The following KIAA1217 variants were observed in gnomAD, a reference collection of about 807,000 sequenced individuals.
KIAA1217 encodes KIAA1217, also known as sickle tail protein homolog.
A neutral mutation model predicts 163.9 loss-of-function variants in KIAA1217; 88 were observed. That is an observed-to-expected ratio of 0.54 (90% CI 0.45 to 0.64). KIAA1217 has a LOEUF of 0.64. Ranked by LOEUF, KIAA1217 falls within the 30% of genes least tolerant of loss-of-function variation. The pLI is 0.00. For synonymous variants in KIAA1217, 903 were observed against 923.1 expected, an observed-to-expected ratio of 0.98 and a Z score of 0.39; for missense variants, 2,372 against 2,475.0, an observed-to-expected ratio of 0.96 and a Z score of 0.88.
chr10:24,157,177 A>G (rs1241210460), intron 2 of KIAA1217, among the ~76,000 whole-genome samples: 2 of 152,196 alleles, frequency 1.3e-5, no homozygotes, highest in Admixed American at 1.3e-4. Flanking sequence ...AGACTTTGGT[A>G]TGATTAGTCT....
chr10:23,824,658 A>AAAAAAT (rs1837805755), intron 1 of KIAA1217, among the ~76,000 whole-genome samples: 6 of 53,052 alleles, frequency 1.1e-4, no homozygotes, highest in Non-Finnish European at 1.8e-4. Context: ...AAATAAAAAA[A>AAAAAAT]ATATATATAT....
intron 2 of KIAA1217, among the ~76,000 whole-genome samples, chr10:24,019,355 C>A (rs570218569): frequency 2.1e-4 from 32 of 150,934 alleles, no homozygotes; most frequent in African/African-American, 7.5e-4. Context: ...AATGATGAGA[C>A]CTAACTCTCA....
At chr10:24,212,333 C>A (rs528536136) in intron 1 of KIAA1217, among the ~76,000 whole-genome samples, 2 of 152,190 alleles carry the variant, frequency 1.3e-5, no homozygotes, top group South Asian at 2.1e-4. Flanking sequence ...TTCTGAGGAG[C>A]AATCTTTTGA....
At chr10:23,812,667 C>T (rs1837126077) in intron 1 of KIAA1217, among the ~76,000 whole-genome samples, 1 of 152,152 alleles carries the variant, frequency 6.6e-6, no homozygotes, top group Non-Finnish European at 1.5e-5. Context: ...CCTGTGCCCA[C>T]TGGCTGTGAC....
intron 1 of KIAA1217, among the ~76,000 whole-genome samples, chr10:23,927,013 T>C (rs1275301068): frequency 2.6e-5 from 4 of 151,926 alleles, no homozygotes; most frequent in Non-Finnish European, 2.9e-5. Context: ...GTTCAAGCAA[T>C]CCTCCCACCT....
chr10:24,469,259 G>A (rs1445751483), intron 5 of KIAA1217, among the ~76,000 whole-genome samples: 1 of 151,370 alleles, frequency 6.6e-6, no homozygotes, highest in East Asian at 2.0e-4. Flanking sequence ...CTGAGTAGCT[G>A]GATTACAGGC....
chr10:23,841,445 G>A (rs1321678032), intron 1 of KIAA1217, among the ~76,000 whole-genome samples: 2 of 152,108 alleles, frequency 1.3e-5, no homozygotes, highest in Non-Finnish European at 2.9e-5. Flanking sequence ...CAAAATAATT[G>A]ATGCATGCTG....
At chr10:24,357,418 C>T (rs1476068082) in intron 2 of KIAA1217, among the ~76,000 whole-genome samples, 1 of 152,130 alleles carries the variant, frequency 6.6e-6, no homozygotes, top group African/African-American at 2.4e-5. Flanking sequence ...TTACCTTTGG[C>T]CGGGCCCAAG....
At position 24,402,528 on chromosome 10, in the gene KIAA1217, C is replaced by CAAAAAA. The variant is rs56323500; in HGVS notation, c.553+21470_553+21475dup. Among the ~76,000 whole-genome samples the CAAAAAA allele has an allele frequency of 6.5e-5, 5 of 77,208 alleles. No individual in the cohort carries two copies. The South Asian group carries it at 1.8e-3, about 27-fold the overall frequency. 50.7% of individuals were successfully genotyped at this position (77,208 alleles called of 152,430 possible). A position where few individuals can be genotyped will look rare whatever the true frequency, so the allele number is the denominator to read the frequency against. On this transcript the variant is annotated intron_variant, in intron 3 of 20. Transcript: ENST00000376454. Reference sequence around the variant, plus strand: ...CCTCTCAAAAAAACAAAAAACAAAACAAAAAAAAAAAAAAGGCAAAGGAGT... The same window carrying CAAAAAA: ...CCTCTCAAAAAAACAAAAAACAAAACAAAAAAAAAAAAAAAAAAAAGGCAAAGGAGT...
intron 1 of KIAA1217, among the ~76,000 whole-genome samples, chr10:23,857,808 T>C (rs552580851): frequency 8.2e-4 from 125 of 152,254 alleles, no homozygotes; most frequent in Non-Finnish European, 1.7e-3. Flanking sequence ...TTTAGATTTA[T>C]GGATGAATGT....
chr10:24,365,042 C>T (rs185800887), intron 2 of KIAA1217, among the ~76,000 whole-genome samples: 2 of 152,020 alleles, frequency 1.3e-5, no homozygotes, highest in South Asian at 2.1e-4. Flanking sequence ...TGGCCTCAAG[C>T]GATCCTCCTG....
At chr10:23,765,264 C>T (rs373792344) in intron 1 of KIAA1217, among the ~76,000 whole-genome samples, 16 of 142,296 alleles carry the variant, frequency 1.1e-4, no homozygotes, top group African/African-American at 2.7e-4. Flanking sequence ...GCGCGATCTC[C>T]GCTCACTGCA....
At chr10:24,082,392 C>T (rs528545691) in intron 2 of KIAA1217, among the ~76,000 whole-genome samples, 9 of 152,232 alleles carry the variant, frequency 5.9e-5, no homozygotes, top group African/African-American at 2.2e-4. Context: ...CTAATGTTCT[C>T]CCCCAAACCC....
At chr10:23,811,081 G>T (rs1439534119) in intron 1 of KIAA1217, among the ~76,000 whole-genome samples, 1 of 120,596 alleles carries the variant, frequency 8.3e-6, no homozygotes, top group Non-Finnish European at 1.6e-5. Flanking sequence ...ATAATACATA[G>T]TACACTATAT....
At chr10:24,024,913 T>C (rs1226515047) in intron 2 of KIAA1217, among the ~76,000 whole-genome samples, 2 of 151,848 alleles carry the variant, frequency 1.3e-5, no homozygotes, top group African/African-American at 4.8e-5. Flanking sequence ...AAGAATTCTT[T>C]ATATATTGCA....
chr10:24,125,926 G>T (rs1219843870), intron 2 of KIAA1217, among the ~76,000 whole-genome samples: 1 of 151,986 alleles, frequency 6.6e-6, no homozygotes, highest in Non-Finnish European at 1.5e-5. Flanking sequence ...ACTTGTTACC[G>T]CTTGGTAGCT....
intron 2 of KIAA1217, among the ~76,000 whole-genome samples, chr10:24,039,437 C>T (rs997551352): frequency 6.6e-6 from 1 of 152,096 alleles, no homozygotes; most frequent in Non-Finnish European, 1.5e-5. Flanking sequence ...AATACTCCCT[C>T]GATATGCTGG....
At chr10:24,372,181 C>T (rs2051755677) in intron 2 of KIAA1217, among the ~76,000 whole-genome samples, 1 of 152,140 alleles carries the variant, frequency 6.6e-6, no homozygotes, top group Non-Finnish European at 1.5e-5. Flanking sequence ...ACAAGTATTG[C>T]CAAGGAAGAA....
At chr10:24,099,569 T>TTATATATATATATATATATA (rs529207171) in intron 2 of KIAA1217, among the ~76,000 whole-genome samples, 2 of 144,192 alleles carry the variant, frequency 1.4e-5, no homozygotes, top group East Asian at 4.0e-4. Context: ...CACATTTTCT[T>TTATATATATATATATATATA]TATATATATA....
Sources: allele counts gnomAD v4.1 joint callset (sites outside exome capture counted in the v4.1 genomes callset), GRCh38; gene constraint gnomAD v4.1.1; transcripts MANE v1.5; gene names NCBI Gene and HGNC (gene_info 2026-07-23, HGNC 2026-07-21).